RAB30: variants seen among roughly 807,000 people sequenced by gnomAD.
RAB30 encodes ras-related protein Rab-30.
A neutral mutation model predicts 25.1 loss-of-function variants in RAB30; 9 were observed. The observed-to-expected ratio is 0.36, with a 90% confidence interval of 0.22 to 0.63. The LOEUF is 0.63. Ranked by LOEUF, RAB30 falls within the 20% of genes least tolerant of loss-of-function variation. The pLI is 0.69. For missense variants in RAB30, 140 were observed against 243.5 expected (o/e 0.58, Z 2.83); for synonymous variants, 77 against 86.4 (o/e 0.89, Z 0.60).
intron 1 of RAB30, among the ~76,000 whole-genome samples, chr11:83,027,372 A>G (rs189592490): frequency 6.6e-6 from 1 of 152,344 alleles, no homozygotes; most frequent in East Asian, 1.9e-4. Flanking sequence ...CAGAAGGTAG[A>G]GTGCAAAGGT....
chr11:83,026,055 G>A (rs1458704981), intron 1 of RAB30, among the ~76,000 whole-genome samples: 3 of 152,080 alleles, frequency 2.0e-5, no homozygotes, highest in Admixed American at 2.0e-4. Flanking sequence ...GCCAGATGTG[G>A]TGGTGTGTAC....
chr11:83,008,594 G>A (rs910389302), intron 1 of RAB30, among the ~76,000 whole-genome samples: 2 of 152,282 alleles, frequency 1.3e-5, no homozygotes, highest in African/African-American at 4.8e-5. Context: ...GTGTTTTCCA[G>A]TGCATTATCC....
chr11:83,006,689 T>A (rs947386509), intron 1 of RAB30, among the ~76,000 whole-genome samples: 1 of 152,022 alleles, frequency 6.6e-6, no homozygotes, highest in African/African-American at 2.4e-5. Flanking sequence ...TAAAAAAAAA[T>A]CTATTTGGGG....
intron 1 of RAB30, among the ~76,000 whole-genome samples, chr11:83,018,221 C>G (rs1047955668): frequency 4.0e-5 from 6 of 151,006 alleles, no homozygotes; most frequent in Admixed American, 1.3e-4. Flanking sequence ...ATCACTTGAA[C>G]CTGGGAGGCG....
At chr11:83,063,293 G>A (rs1858623883) in intron 1 of RAB30, among the ~76,000 whole-genome samples, 1 of 152,204 alleles carries the variant, frequency 6.6e-6, no homozygotes, top group African/African-American at 2.4e-5. Flanking sequence ...TATTTTAAAA[G>A]TGGAGCTTAA....
intron 1 of RAB30, among the ~76,000 whole-genome samples, chr11:83,004,847 T>C (rs1157143352): frequency 6.6e-6 from 1 of 152,074 alleles, no homozygotes; most frequent in East Asian, 1.9e-4. Flanking sequence ...GTACACTGAA[T>C]TGAAAGCCTT....
chr11:83,036,180 T>G (rs1857983631), intron 1 of RAB30, among the ~76,000 whole-genome samples: 1 of 151,620 alleles, frequency 6.6e-6, no homozygotes, highest in South Asian at 2.1e-4. Context: ...TTTTTTTTTT[T>G]TTTTGAGATG....
chr11:83,033,788 T>C (rs1184517291), intron 1 of RAB30, among the ~76,000 whole-genome samples: 1 of 152,100 alleles, frequency 6.6e-6, no homozygotes, highest in Non-Finnish European at 1.5e-5. Context: ...TAATTCAGCA[T>C]GTCACCCTCA....
chr11:82,995,877 G>T (rs952145958), intron 2 of RAB30, among the ~76,000 whole-genome samples: 1 of 152,214 alleles, frequency 6.6e-6, no homozygotes, highest in Non-Finnish European at 1.5e-5. Context: ...CATCTATAAA[G>T]TGAGAGAGGT....
chr11:83,055,589 A>C (rs571992793), intron 1 of RAB30, among the ~76,000 whole-genome samples: 1 of 152,332 alleles, frequency 6.6e-6, no homozygotes, highest in South Asian at 2.1e-4. Flanking sequence ...ACTTTCTACC[A>C]AGTAGTAAAG....
At chr11:83,071,586 T>G (rs1858848914) in intron 1 of RAB30, 105 bp downstream of exon 1, 3 of 149,930 alleles carry the variant, frequency 2.0e-5, no homozygotes, top group Admixed American at 2.0e-4. Context: ...CTCTCCCCAA[T>G]CCCCCCCACC....
chr11:83,065,548 A>G (rs924764654), intron 1 of RAB30, among the ~76,000 whole-genome samples: 2 of 152,192 alleles, frequency 1.3e-5, no homozygotes, highest in Admixed American at 1.3e-4. Context: ...GATGTGAGCT[A>G]CTATGCCCAG....
chr11:83,007,831 C>G (rs1278761888), intron 1 of RAB30, among the ~76,000 whole-genome samples: 1 of 150,364 alleles, frequency 6.7e-6, no homozygotes, highest in Non-Finnish European at 1.5e-5. Context: ...TCCCACTCAT[C>G]GACCCCCTTC....
intron 1 of RAB30, among the ~76,000 whole-genome samples, chr11:82,999,490 G>A (rs1857029025): frequency 6.6e-6 from 1 of 152,118 alleles, no homozygotes; most frequent in South Asian, 2.1e-4. Context: ...GAATGAATGG[G>A]AGCCCCTAAG....
At chr11:83,033,819 T>C (rs1288534405) in intron 1 of RAB30, among the ~76,000 whole-genome samples, 1 of 151,740 alleles carries the variant, frequency 6.6e-6, no homozygotes, top group African/African-American at 2.4e-5. Context: ...TCACCCAACC[T>C]CAAGCCCCTT....
chr11:83,047,447 A>C (rs1371495477), intron 1 of RAB30, among the ~76,000 whole-genome samples: 1 of 152,368 alleles, frequency 6.6e-6, no homozygotes, highest in East Asian at 1.9e-4. Flanking sequence ...ACAATAAGGC[A>C]TATAGAATAA....
At chr11:83,040,402 A>G (rs1432737069) in intron 1 of RAB30, among the ~76,000 whole-genome samples, 2 of 151,924 alleles carry the variant, frequency 1.3e-5, no homozygotes, top group African/African-American at 4.8e-5. Flanking sequence ...GACTAGCCTG[A>G]CCAACATGGA....
At chr11:83,059,556 TG>T (rs1858523599) in intron 1 of RAB30, among the ~76,000 whole-genome samples, 1 of 152,216 alleles carries the variant, frequency 6.6e-6, no homozygotes, top group African/African-American at 2.4e-5. Flanking sequence ...ATTCTGTTCA[TG>T]GTCCAACAGG....
At chr11:82,988,486 C>T (rs1049708976) in intron 3 of RAB30, among the ~76,000 whole-genome samples, 3 of 152,226 alleles carry the variant, frequency 2.0e-5, no homozygotes, top group Non-Finnish European at 4.4e-5. Context: ...CTTCAGGTCT[C>T]TTAAGTTCTA....
Sources: gnomAD v4.1 joint callset for allele counts (sites outside exome capture counted in the v4.1 genomes callset) on GRCh38, gnomAD v4.1.1 for gene constraint, MANE v1.5 for transcripts, NCBI Gene and HGNC (gene_info 2026-07-23, HGNC 2026-07-21) for gene names.